Variants in MPRIP observed in about 807,000 individuals in gnomAD.
MPRIP encodes the protein myosin phosphatase Rho interacting protein, also known as myosin phosphatase Rho-interacting protein.
Under a neutral mutation model 234.9 loss-of-function variants are expected in MPRIP, and 59 were observed. The observed-to-expected ratio is 0.25, with a 90% CI of 0.20 to 0.31. The LOEUF is 0.31. Ranked by LOEUF, MPRIP falls within the 10% of genes least tolerant of loss-of-function variation. The pLI is 1.00. For synonymous variants in MPRIP, 1,144 were observed against 1,263.9 expected (o/e 0.91, Z 2.01); for missense variants, 2,436 against 3,071.0 (o/e 0.79, Z 4.89).
intron 7 of MPRIP, chr17:17,142,112 G>A (rs1273402586): frequency 6.3e-6 from 1 of 157,862 alleles, no homozygotes; most frequent in Non-Finnish European, 1.4e-5. Flanking sequence ...GACAGCCTGA[G>A]GAGGCCGCCA....
At chr17:17,143,181 C>G (rs1399862791) in intron 8 of MPRIP, among the ~76,000 whole-genome samples, 2 of 152,186 alleles carry the variant, frequency 1.3e-5, no homozygotes. Flanking sequence ...CAAGTCTAAG[C>G]TCATCTTCTC....
intron 1 of MPRIP, among the ~76,000 whole-genome samples, chr17:17,060,383 G>A (rs1403762804): frequency 6.6e-6 from 1 of 152,228 alleles, no homozygotes; most frequent in East Asian, 1.9e-4. Flanking sequence ...CTTCACCTGT[G>A]TCACCCTTTA....
At chr17:17,172,242 G>C (rs547461978) in intron 17 of MPRIP, among the ~76,000 whole-genome samples, 3 of 152,244 alleles carry the variant, frequency 2.0e-5, no homozygotes, top group Non-Finnish European at 4.4e-5. Flanking sequence ...TGCCGTCAGC[G>C]TGAAGATATG....
intron 12 of MPRIP, 44 bp downstream of exon 12, chr17:17,150,277 G>T: frequency 7.0e-7 from 1 of 1,426,172 alleles, no homozygotes; most frequent in Non-Finnish European, 9.9e-7. Context: ...TGACAGGCAG[G>T]GATGCATGTC....
rs1437216795 is a variant in MPRIP at position 17,060,390 on chromosome 17, T to C, written c.124-15320T>C. The stretch of plus-strand genomic sequence containing the variant: ...AACATGCCCTTCACCTGTGTCACCC[T>C]TTACCTTCTGGAATGGCCTGCTAAA... On this transcript the variant is annotated intron_variant, in intron 1 of 23. Transcript: ENST00000651222. 2.0e-5 allele frequency among the ~76,000 whole-genome samples: 3 copies of C among 152,212 alleles called. No homozygotes were observed. In the East Asian group the frequency reaches 5.8e-4, roughly 29 times the overall value.
At chr17:17,183,231 T>G (rs2144722913) in intron 23 of MPRIP, 1 of 152,390 alleles carries the variant, frequency 6.6e-6, no homozygotes, top group South Asian at 2.1e-4. Context: ...GTTTGTTTGT[T>G]TTGAGACGGA....
intron 3 of MPRIP, among the ~76,000 whole-genome samples, chr17:17,101,333 A>G (rs2089955428): frequency 6.6e-6 from 1 of 152,232 alleles, no homozygotes; most frequent in Non-Finnish European, 1.5e-5. Context: ...TGGGATGCCA[A>G]GGCAGGTGGA....
intron 22 of MPRIP, 61 bp from the exon 23 acceptor site, chr17:17,179,942 G>A: frequency 1.5e-6 from 2 of 1,363,658 alleles, no homozygotes; most frequent in Non-Finnish European, 2.1e-6. Flanking sequence ...ATTTAGTCTG[G>A]TTCCAGAGGG....
intron 4 of MPRIP, among the ~76,000 whole-genome samples, chr17:17,130,519 C>G (rs1204089682): frequency 6.6e-6 from 1 of 152,066 alleles, no homozygotes; most frequent in Admixed American, 6.5e-5. Context: ...CTGCCCCAGG[C>G]TCAGTGTGCT....
At chr17:17,096,289 GT>G (rs1368853482) in intron 3 of MPRIP, among the ~76,000 whole-genome samples, 93 of 1,302 alleles carry the variant, frequency 0.071, no homozygotes, top group South Asian at 0.12. Context: ...TGTGTGCAGG[GT>G]GTGTGTGTGT....
rs2088209057 is a variant in MPRIP, at chr17:17,042,717, G to A, written c.-132G>A. 2.1e-6 allele frequency: 2 copies of A among 935,240 alleles called. No homozygotes were observed. Among genetic ancestry groups the A allele is most frequent in the Non-Finnish European group, 2.5e-6 (2 of 790,132 alleles). The allele number at this position is 935,240 out of a possible 1,614,324, so 57.9% of individuals were successfully genotyped here. Reference sequence around the variant, plus strand: ...GTGCAGCGAACCGCCCGCCGGGAAGGAGGCCGGGCCGGGCCTGCGGCGGGG... The same window carrying A: ...GTGCAGCGAACCGCCCGCCGGGAAGAAGGCCGGGCCGGGCCTGCGGCGGGG... On this transcript the variant is annotated 5_prime_UTR_variant, in exon 1 of 24. Coordinates refer to ENST00000651222, the MANE Select transcript of MPRIP (RefSeq NM_001364716.4).
At chr17:17,101,561 AC>A (rs2089961333) in intron 3 of MPRIP, among the ~76,000 whole-genome samples, 1 of 151,978 alleles carries the variant, frequency 6.6e-6, no homozygotes. Flanking sequence ...CAAGAGTGAA[AC>A]TCCATCTCAA....
intron 22 of MPRIP, chr17:17,178,528 G>A (rs1258594125): frequency 2.0e-5 from 3 of 151,480 alleles, no homozygotes; most frequent in Non-Finnish European, 4.4e-5. Context: ...TCCACACTAA[G>A]TTTGGCATCA....
rs1485013180 is a variant in MPRIP at position 17,189,929 on chromosome 17, A to AG, written c.*5036dup. 1 of 152,246 alleles carries AG rather than the reference A, an allele frequency of 6.6e-6. No homozygotes were observed. Among genetic ancestry groups the AG allele is most frequent in the Non-Finnish European group, 1.5e-5 (1 of 68,046 alleles). The allele number at this position is 152,246 out of a possible 1,614,324, so 9.4% of individuals were successfully genotyped here. ...GCCCACTTTCTAAAAGGACTTGGGA[A>AG]GAAAGCTGCTGGGAACTTGCTTATT... On this transcript the variant is annotated 3_prime_UTR_variant, in exon 24 of 24. Coordinates refer to ENST00000651222, the MANE Select transcript of MPRIP (RefSeq NM_001364716.4).
At chr17:17,126,271 G>A (rs548680454) in intron 3 of MPRIP, among the ~76,000 whole-genome samples, 23 of 152,306 alleles carry the variant, frequency 1.5e-4, no homozygotes, top group African/African-American at 5.5e-4. Context: ...CCCACAGCCT[G>A]CTCTCAAGGA....
intron 17 of MPRIP, 66 bp from the exon 18 acceptor site, chr17:17,172,632 C>A: frequency 7.6e-7 from 1 of 1,308,868 alleles, no homozygotes; most frequent in Non-Finnish European, 1.1e-6. Context: ...TGGAGCTCCC[C>A]ACCCCCACCC....
intron 1 of MPRIP, among the ~76,000 whole-genome samples, chr17:17,070,417 TC>T (rs1407939428): frequency 1.3e-5 from 2 of 152,198 alleles, no homozygotes; most frequent in Admixed American, 6.5e-5. Context: ...TTGTTACAGT[TC>T]CACAGTTCCC....
intron 1 of MPRIP, among the ~76,000 whole-genome samples, chr17:17,056,343 C>T (rs541635486): frequency 5.3e-5 from 8 of 152,308 alleles, no homozygotes; most frequent in Non-Finnish European, 1.0e-4. Flanking sequence ...CCATGAATGG[C>T]GTCATGTTCC....
chr17:17,132,511 G>A (rs2090617221), intron 5 of MPRIP, among the ~76,000 whole-genome samples: 1 of 152,248 alleles, frequency 6.6e-6, no homozygotes, highest in African/African-American at 2.4e-5. Flanking sequence ...AGAGGGAGCA[G>A]GGTGGGGATG....
Sources: gnomAD v4.1 joint callset for allele counts (sites outside exome capture counted in the v4.1 genomes callset) on GRCh38, gnomAD v4.1.1 for gene constraint, MANE v1.5 for transcripts, NCBI Gene and HGNC (gene_info 2026-07-23, HGNC 2026-07-21) for gene names.